SH3BP5: variants seen among roughly 807,000 people sequenced by gnomAD.
SH3BP5 encodes SH3 domain binding protein 5.
Under a neutral mutation model 43.3 loss-of-function variants are expected in SH3BP5, and 22 were observed. The observed-to-expected ratio is 0.51, with a 90% CI of 0.36 to 0.73. The LOEUF is 0.73. Ranked by LOEUF, SH3BP5 falls within the 30% of genes least tolerant of loss-of-function variation. The pLI is 0.00. For synonymous variants in SH3BP5, 255 were observed against 225.8 expected (o/e 1.13, Z -1.16); for missense variants, 529 against 586.9 (o/e 0.90, Z 1.02).
intron 6 of SH3BP5, 87 bp downstream of exon 6, chr3:15,259,674 G>A: frequency 1.7e-6 from 2 of 1,179,422 alleles, no homozygotes; most frequent in Non-Finnish European, 1.3e-6. Flanking sequence ...ATAGCAAGTG[G>A]CCCATGTGAT....
At chr3:15,258,778 CAA>C (rs1696318459) in intron 7 of SH3BP5, 51 bp downstream of exon 7, 5 of 1,508,768 alleles carry the variant, frequency 3.3e-6, no homozygotes, top group Non-Finnish European at 4.6e-6. Flanking sequence ...CCTTGGGAAA[CAA>C]ATCACACAGT....
At chr3:15,263,921 C>T (rs961306868) in intron 4 of SH3BP5, among the ~76,000 whole-genome samples, 1 of 152,132 alleles carries the variant, frequency 6.6e-6, no homozygotes, top group South Asian at 2.1e-4. Flanking sequence ...GGGGAGCATC[C>T]GAGAGGAGCC....
chr3:15,293,771 A>G (rs1697480237), intron 3 of SH3BP5, among the ~76,000 whole-genome samples: 1 of 152,146 alleles, frequency 6.6e-6, no homozygotes, highest in African/African-American at 2.4e-5. Context: ...CCCCCTCAGT[A>G]TGATGAAAAT....
At chr3:15,307,275 C>T (rs1301075431) in intron 2 of SH3BP5, among the ~76,000 whole-genome samples, 3 of 152,168 alleles carry the variant, frequency 2.0e-5, no homozygotes, top group African/African-American at 7.2e-5. Context: ...TCCGCTGCAG[C>T]TTCTACAGGC....
intron 3 of SH3BP5, among the ~76,000 whole-genome samples, chr3:15,301,984 G>A (rs1040909833): frequency 1.8e-4 from 27 of 152,122 alleles, no homozygotes; most frequent in Admixed American, 1.2e-3. Context: ...ATAGATACGC[G>A]TGGGCTAAAT....
chr3:15,284,017 C>T (rs1697198956), intron 3 of SH3BP5, among the ~76,000 whole-genome samples: 1 of 152,194 alleles, frequency 6.6e-6, no homozygotes, highest in Non-Finnish European at 1.5e-5. Context: ...GGACTCATAC[C>T]CAGGTCTCCG....
At chr3:15,323,259 G>A (rs905224284) in intron 2 of SH3BP5, among the ~76,000 whole-genome samples, 7 of 152,142 alleles carry the variant, frequency 4.6e-5, no homozygotes, top group African/African-American at 1.4e-4. Context: ...AGTCCATCCC[G>A]CTGTAATCCT....
intron 3 of SH3BP5, among the ~76,000 whole-genome samples, chr3:15,271,144 A>G (rs1206015257): frequency 6.6e-6 from 1 of 151,664 alleles, no homozygotes; most frequent in Admixed American, 6.6e-5. Context: ...TTGGGGGGCC[A>G]AGGCAGGAGG....
chr3:15,292,125 T>C (rs1697429234), intron 3 of SH3BP5, among the ~76,000 whole-genome samples: 1 of 152,230 alleles, frequency 6.6e-6, no homozygotes, highest in Non-Finnish European at 1.5e-5. Flanking sequence ...TGCCAGGGAA[T>C]GCCTGTGGTT....
intron 3 of SH3BP5, among the ~76,000 whole-genome samples, chr3:15,283,207 G>A (rs996115596): frequency 6.6e-6 from 1 of 152,164 alleles, no homozygotes; most frequent in Admixed American, 6.5e-5. Flanking sequence ...AGACCAGCCC[G>A]GCCAACATGG....
chr3:15,272,720 G>GATAAAGACATATTACA lies in SH3BP5; in HGVS notation c.331-2844_331-2843insTGTAATATGTCTTTAT, dbSNP rs1173079973. Among the ~76,000 whole-genome samples the GATAAAGACATATTACA allele has an allele frequency of 2.0e-5, 3 of 151,478 alleles. No individual in the cohort carries two copies. The East Asian group carries it at 5.8e-4, about 29-fold the overall frequency. On this transcript the variant is annotated intron_variant, in intron 3 of 8. Coordinates refer to ENST00000383791, the MANE Select transcript of SH3BP5 (RefSeq NM_004844.5). ...ACATTACAAAACAGAGTGCCTGTAGGAGATTCGATGATACCTCAGATCAAA... is the reference window on the plus strand; with the variant it reads ...ACATTACAAAACAGAGTGCCTGTAGGATAAAGACATATTACAAGATTCGATGATACCTCAGATCAAA...
chr3:15,323,034 G>C (rs1328626044), intron 2 of SH3BP5, among the ~76,000 whole-genome samples: 2 of 152,116 alleles, frequency 1.3e-5, no homozygotes, highest in Non-Finnish European at 2.9e-5. Context: ...AGCTACTCGG[G>C]AGGCTAAGGC....
chr3:15,339,093 G>T (rs1343940790), intron 1 of SH3BP5, among the ~76,000 whole-genome samples: 1 of 152,202 alleles, frequency 6.6e-6, no homozygotes, highest in Non-Finnish European at 1.5e-5. Context: ...AACCCCAAAT[G>T]ACTGGTTCTA....
In SH3BP5 at chr3:15,316,219, C is replaced by CTTTTTT. The variant is rs577644493; in HGVS notation, c.202-11994_202-11989dup. On this transcript the variant is annotated intron_variant, in intron 2 of 8. Coordinates refer to ENST00000383791, the MANE Select transcript of SH3BP5 (RefSeq NM_004844.5). ...TAGAATGTTATTTGGAAAAGACTCGCTTTTTTTTTTTTTTTTTTTTTTTGA... is the reference window on the plus strand; with the variant it reads ...TAGAATGTTATTTGGAAAAGACTCGCTTTTTTTTTTTTTTTTTTTTTTTTTTTTTGA... 1.4e-3 allele frequency among the ~76,000 whole-genome samples: 111 copies of CTTTTTT among 81,698 alleles called. 1 individual carries two copies. Among genetic ancestry groups the CTTTTTT allele is most frequent in the Middle Eastern group, 0.014 (1 of 72 alleles). The allele number at this position is 81,698 out of a possible 152,430, so 53.6% of individuals were successfully genotyped here.
At chr3:15,332,714 C>G, upstream of SH3BP5, 1 of 1,058,788 alleles carries the variant, frequency 9.4e-7, no homozygotes, top group Non-Finnish European at 1.2e-6. Flanking sequence ...AAAACCCCAG[C>G]TCCCTCCACA....
At chr3:15,290,399 G>A (rs1002318107) in intron 3 of SH3BP5, among the ~76,000 whole-genome samples, 5 of 151,778 alleles carry the variant, frequency 3.3e-5, no homozygotes, top group South Asian at 2.1e-4. Context: ...GGTGGCTCAC[G>A]TCTGTAATCC....
At chr3:15,264,982 C>G (rs1453360558) in intron 4 of SH3BP5, among the ~76,000 whole-genome samples, 1 of 151,870 alleles carries the variant, frequency 6.6e-6, no homozygotes, top group African/African-American at 2.4e-5. Context: ...GAAAGAGTCC[C>G]CTGTAAGAAG....
Position 15,262,150 on chromosome 3 carries a change from C to T in SH3BP5, c.626+9G>A, listed in dbSNP as rs201006452. 981 of 1,613,970 alleles carry T rather than the reference C, an allele frequency of 6.1e-4. 9 individuals are homozygous for T. In the South Asian group the frequency reaches 6.3e-3, roughly 10 times the overall value. Reference sequence around the variant, plus strand: ...GCACGGCCCCAGGGAAGGCCCTGTCCAGACTTACTTGGACTTGTTGATGGC... The same window carrying T: ...GCACGGCCCCAGGGAAGGCCCTGTCTAGACTTACTTGGACTTGTTGATGGC... On this transcript the variant is annotated intron_variant, in intron 5 of 8. Coordinates refer to ENST00000383791, the MANE Select transcript of SH3BP5 (RefSeq NM_004844.5).
chr3:15,339,548 A>G (rs1406307815), intron 1 of SH3BP5, among the ~76,000 whole-genome samples: 2 of 151,976 alleles, frequency 1.3e-5, no homozygotes, highest in Non-Finnish European at 2.9e-5. Context: ...CATCTCTACT[A>G]AAAATACAAA....
Sources: allele counts gnomAD v4.1 joint callset (sites outside exome capture counted in the v4.1 genomes callset), GRCh38; gene constraint gnomAD v4.1.1; transcripts MANE v1.5; gene names NCBI Gene and HGNC (gene_info 2026-07-23, HGNC 2026-07-21).